The following GRIN3A variants were observed in gnomAD, a reference collection of about 807,000 sequenced individuals.
GRIN3A encodes glutamate receptor ionotropic, NMDA 3A.
Under a neutral mutation model 92.4 loss-of-function variants are expected in GRIN3A, and 47 were observed. That is an observed-to-expected ratio of 0.51 (90% CI 0.40 to 0.65). The LOEUF (loss-of-function observed/expected upper bound fraction) is 0.65. GRIN3A is among the 30% of genes least tolerant of loss of function. The pLI, the probability that GRIN3A is intolerant of heterozygous loss-of-function variation, is 0.00. For missense variants in GRIN3A, 1,324 were observed against 1,393.1 expected (o/e 0.95, Z 0.79); for synonymous variants, 527 against 540.6 (o/e 0.97, Z 0.35).
At chr9:101,713,107 T>C (rs971286260) in intron 1 of GRIN3A, among the ~76,000 whole-genome samples, 1 of 152,174 alleles carries the variant, frequency 6.6e-6, no homozygotes, top group Non-Finnish European at 1.5e-5. Context: ...TTTAGTTCAA[T>C]TGGAAAAGTC....
chr9:101,652,743 C>A (rs868114198), intron 3 of GRIN3A, among the ~76,000 whole-genome samples: 1 of 151,978 alleles, frequency 6.6e-6, no homozygotes, highest in African/African-American at 2.4e-5. Flanking sequence ...TGAGTAAATG[C>A]GTCTTTTATG....
At chr9:101,631,775 A>C (rs544973691) in intron 3 of GRIN3A, among the ~76,000 whole-genome samples, 1 of 152,192 alleles carries the variant, frequency 6.6e-6, no homozygotes, top group African/African-American at 2.4e-5. Flanking sequence ...CCAGGAGAGA[A>C]AGCATCTTAT....
chr9:101,660,573 T>C (rs1177484771), intron 3 of GRIN3A, among the ~76,000 whole-genome samples: 1 of 151,848 alleles, frequency 6.6e-6, no homozygotes, highest in African/African-American at 2.4e-5. Context: ...AGTCCAGTGG[T>C]AGATAGAATA....
intron 1 of GRIN3A, among the ~76,000 whole-genome samples, chr9:101,731,172 C>T (rs1830135704): frequency 6.6e-6 from 1 of 152,214 alleles, no homozygotes; most frequent in South Asian, 2.1e-4. Flanking sequence ...AGATACTTCT[C>T]TCTTTTATGC....
rs1827740812 is a variant in GRIN3A, at chr9:101,570,275, T to G, written c.*2899A>C. The stretch of plus-strand genomic sequence containing the variant: ...AAAGCAAGGTAGCGTCCCTTATCTC[T>G]TTCTTCTTTACCAGAATACCACCCT... On this transcript the variant is annotated 3_prime_UTR_variant, in exon 9 of 9. Transcript: ENST00000361820. The G allele has an allele frequency of 6.6e-6, 1 of 152,516 alleles. No homozygotes were observed. The highest frequency in any genetic ancestry group is 1.5e-5 in the Non-Finnish European group (1 of 68,042). The allele number at this position is 152,516 out of a possible 1,614,324, so 9.4% of individuals were successfully genotyped here. A position where few individuals can be genotyped will look rare whatever the true frequency, so the allele number is the denominator to read the frequency against.
chr9:101,686,456 T>C, intron 2 of GRIN3A, 140 bp downstream of exon 2: 1 of 976,122 alleles, frequency 1.0e-6, no homozygotes, highest in South Asian at 1.3e-5. Context: ...CTAGCCTATA[T>C]AACCAGAAAT....
At chr9:101,611,097 C>CAAA (rs58762561) in intron 6 of GRIN3A, among the ~76,000 whole-genome samples, 2 of 104,930 alleles carry the variant, frequency 1.9e-5, no homozygotes, top group Non-Finnish European at 4.0e-5. Flanking sequence ...GAGTCTGTCT[C>CAAA]AAAAAAAAAA....
At chr9:101,586,373 T>TA (rs1827950251) in intron 6 of GRIN3A, among the ~76,000 whole-genome samples, 1 of 152,208 alleles carries the variant, frequency 6.6e-6, no homozygotes, top group Admixed American at 6.5e-5. Context: ...AATGAATGAA[T>TA]GAAAGCATAT....
intron 1 of GRIN3A, among the ~76,000 whole-genome samples, chr9:101,726,442 T>C (rs536164158): frequency 6.6e-6 from 1 of 152,322 alleles, no homozygotes; most frequent in South Asian, 2.1e-4. Context: ...CTTCTGGTGG[T>C]ACAGCTCAGC....
chr9:101,587,131 G>A (rs1054937881), intron 6 of GRIN3A, among the ~76,000 whole-genome samples: 1 of 152,048 alleles, frequency 6.6e-6, no homozygotes, highest in African/African-American at 2.4e-5. Context: ...TCAACATGGT[G>A]AAACCCTGTC....
At chr9:101,626,789 C>G (rs1170591286) in intron 4 of GRIN3A, among the ~76,000 whole-genome samples, 1 of 152,216 alleles carries the variant, frequency 6.6e-6, no homozygotes, top group African/African-American at 2.4e-5. Context: ...TCTGAAGCAG[C>G]AGTTGGATTC....
chr9:101,724,406 C>T (rs113700687), intron 1 of GRIN3A, among the ~76,000 whole-genome samples: 12 of 152,256 alleles, frequency 7.9e-5, no homozygotes, highest in African/African-American at 2.4e-4. Flanking sequence ...CCCGCTGCTC[C>T]GAGTGCGGGG....
intron 6 of GRIN3A, among the ~76,000 whole-genome samples, chr9:101,590,507 G>T (rs1398568730): frequency 1.3e-5 from 2 of 151,834 alleles, no homozygotes; most frequent in African/African-American, 4.8e-5. Context: ...TCAGCCTTCC[G>T]AGTAGCTGGG....
chr9:101,735,355 C>T (rs542516504), intron 1 of GRIN3A, among the ~76,000 whole-genome samples: 2 of 151,800 alleles, frequency 1.3e-5, no homozygotes, highest in South Asian at 2.1e-4. Flanking sequence ...TGCTTGACAG[C>T]GTATTTATTT....
At chr9:101,622,742 T>C (rs1158647255) in intron 5 of GRIN3A, among the ~76,000 whole-genome samples, 2 of 152,264 alleles carry the variant, frequency 1.3e-5, no homozygotes, top group Non-Finnish European at 2.9e-5. Flanking sequence ...AATTGTACAA[T>C]TATGAAAATG....
rs554093588 is a variant in GRIN3A, at chr9:101,617,202, G to A, written c.2615-3675C>T. Reference sequence around the variant, plus strand: ...GGCATGGGCGACAGAGCGAGACTCCGTCTAAAAAAAAAAAAAAAAAAAAAG... The same window carrying A: ...GGCATGGGCGACAGAGCGAGACTCCATCTAAAAAAAAAAAAAAAAAAAAAG... On this transcript the variant is annotated intron_variant, in intron 5 of 8. Transcript: ENST00000361820. Among the ~76,000 whole-genome samples the A allele has an allele frequency of 9.6e-5, 9 of 94,102 alleles. No homozygotes were observed. In the South Asian group the frequency reaches 2.5e-3, roughly 26 times the overall value. The allele number at this position is 94,102 out of a possible 152,430, so 61.7% of individuals were successfully genotyped here.
intron 1 of GRIN3A, among the ~76,000 whole-genome samples, chr9:101,728,005 G>T (rs1588300246): frequency 6.6e-6 from 1 of 151,988 alleles, no homozygotes; most frequent in East Asian, 1.9e-4. Flanking sequence ...ATCTCTCTGT[G>T]TGTGGATCTG....
intron 1 of GRIN3A, among the ~76,000 whole-genome samples, chr9:101,690,600 C>G (rs991513107): frequency 1.3e-5 from 2 of 152,086 alleles, no homozygotes; most frequent in Admixed American, 6.6e-5. Flanking sequence ...GCTTAACCCG[C>G]TATGGATCAG....
chr9:101,733,521 C>A (rs1050078626), intron 1 of GRIN3A, among the ~76,000 whole-genome samples: 4 of 152,174 alleles, frequency 2.6e-5, no homozygotes, highest in African/African-American at 9.7e-5. Flanking sequence ...TTGCAGAATA[C>A]ATTTCCCCCA....
Sources: gnomAD v4.1 joint callset for allele counts (sites outside exome capture counted in the v4.1 genomes callset) on GRCh38, gnomAD v4.1.1 for gene constraint, MANE v1.5 for transcripts, NCBI Gene and HGNC (gene_info 2026-07-23, HGNC 2026-07-21) for gene names.